NTM: variants seen among roughly 807,000 people sequenced by gnomAD.
NTM encodes neurotrimin.
NTM carries 13 observed loss-of-function variants against 42.1 expected under a neutral mutation model. The observed-to-expected ratio is 0.31, with a 90% confidence interval of 0.20 to 0.49. NTM has a LOEUF of 0.49. Among genes scored for constraint, NTM ranks in the 20% least tolerant of loss-of-function variants. The pLI, the probability that NTM is intolerant of heterozygous loss-of-function variation, is 0.99. For missense variants in NTM, 373 were observed against 452.8 expected (o/e 0.82, Z 1.60); for synonymous variants, 187 against 179.2 (o/e 1.04, Z -0.35).
intron 1 of NTM, among the ~76,000 whole-genome samples, chr11:131,438,653 C>T (rs1207728012): frequency 6.6e-6 from 1 of 152,122 alleles, no homozygotes; most frequent in Admixed American, 6.5e-5. Context: ...AGGTCTTCTT[C>T]ACACTGTTTA....
intron 1 of NTM, among the ~76,000 whole-genome samples, chr11:131,757,699 T>A (rs759000076): frequency 3.3e-5 from 5 of 152,184 alleles, no homozygotes; most frequent in Admixed American, 1.3e-4. Flanking sequence ...TGGTTATTAT[T>A]ATTATGTTTG....
At chr11:132,322,112 T>G (rs2136292962) in intron 7 of NTM, among the ~76,000 whole-genome samples, 1 of 149,274 alleles carries the variant, frequency 6.7e-6, no homozygotes, top group Non-Finnish European at 1.5e-5. Flanking sequence ...AGGAAGAAAC[T>G]GCATCAACTA....
At chr11:131,616,748 C>G (rs1352282290) in intron 1 of NTM, among the ~76,000 whole-genome samples, 1 of 149,084 alleles carries the variant, frequency 6.7e-6, no homozygotes, top group Admixed American at 6.7e-5. Context: ...CAGATTGAGA[C>G]AGGGTTTTAC....
chr11:132,105,343 A>C (rs911463169), intron 2 of NTM, among the ~76,000 whole-genome samples: 24 of 152,228 alleles, frequency 1.6e-4, no homozygotes, highest in African/African-American at 5.8e-4. Context: ...GAATAAATAA[A>C]TATGTCTGCT....
At chr11:132,286,004 C>T (rs952750395) in intron 4 of NTM, among the ~76,000 whole-genome samples, 2 of 152,210 alleles carry the variant, frequency 1.3e-5, no homozygotes, top group African/African-American at 4.8e-5. Context: ...AAACTAAGAG[C>T]TTCCATCTGC....
intron 3 of NTM, among the ~76,000 whole-genome samples, chr11:132,155,541 C>T (rs2137509022): frequency 6.6e-6 from 1 of 152,040 alleles, no homozygotes; most frequent in Middle Eastern, 3.4e-3. Flanking sequence ...CTCCGCGGAG[C>T]TCTATTGCTC....
chr11:131,774,069 A>G, intron 1 of NTM: 1 of 984,810 alleles, frequency 1.0e-6, no homozygotes, highest in Non-Finnish European at 1.2e-6. Context: ...CTGTTGTTCC[A>G]ATGTTGTTCC....
At chr11:131,389,024 A>AAAAAGAAAAGAAAAGAAAAG (rs58205309) in intron 1 of NTM, among the ~76,000 whole-genome samples, 20 of 89,912 alleles carry the variant, frequency 2.2e-4, no homozygotes, top group African/African-American at 8.8e-4. Context: ...AAAAAAAAAA[A>AAAAAGAAAAGAAAAGAAAAG]AAAAGAAAAG....
intron 1 of NTM, among the ~76,000 whole-genome samples, chr11:131,847,901 G>A (rs1209645744): frequency 6.6e-6 from 1 of 152,082 alleles, no homozygotes; most frequent in African/African-American, 2.4e-5. Context: ...TTTCCATCCA[G>A]TTGACGAGAT....
Position 132,308,521 on chromosome 11 carries a change from A to G in NTM, c.661+698A>G, listed in dbSNP as rs74521894. Among the ~76,000 whole-genome samples, 841 of 152,096 alleles carry G rather than the reference A, an allele frequency of 5.5e-3. 9 individuals are homozygous for G. The highest frequency in any genetic ancestry group is 0.019 in the African/African-American group (790 of 41,510). On this transcript the variant is annotated intron_variant, in intron 5 of 8. Transcript: ENST00000683400. ...TTTCCCTCTGGGTCCCTCATTATGT[A>G]CCTTGCCTTAGCTCCCTACAACATT...
At chr11:131,507,955 C>T (rs552697291) in intron 1 of NTM, among the ~76,000 whole-genome samples, 2 of 152,204 alleles carry the variant, frequency 1.3e-5, no homozygotes, top group South Asian at 2.1e-4. Flanking sequence ...TAGGCATTAC[C>T]ATTCAGGACA....
chr11:132,085,641 A>G (rs2059611327), intron 2 of NTM, among the ~76,000 whole-genome samples: 1 of 152,254 alleles, frequency 6.6e-6, no homozygotes, highest in Admixed American at 6.5e-5. Flanking sequence ...AAAGTATTTC[A>G]GTTAAGCACT....
chr11:131,563,952 A>G (rs2056556890), intron 1 of NTM, among the ~76,000 whole-genome samples: 1 of 152,102 alleles, frequency 6.6e-6, no homozygotes. Context: ...TGCGTTGCCA[A>G]AGAGAGACCT....
At chr11:132,056,275 T>C (rs1041306866) in intron 2 of NTM, among the ~76,000 whole-genome samples, 1 of 152,146 alleles carries the variant, frequency 6.6e-6, no homozygotes, top group East Asian at 1.9e-4. Context: ...AGAGAGAGAA[T>C]GGCTATGAGA....
intron 1 of NTM, among the ~76,000 whole-genome samples, chr11:131,739,495 G>T (rs141781659): frequency 1.3e-5 from 2 of 152,288 alleles, no homozygotes; most frequent in Middle Eastern, 3.4e-3. Context: ...TCTCTTAGCT[G>T]CTTTCTGACC....
chr11:131,651,706 T>C (rs894200951), intron 1 of NTM, among the ~76,000 whole-genome samples: 3 of 152,208 alleles, frequency 2.0e-5, no homozygotes, highest in South Asian at 2.1e-4. Flanking sequence ...CTGGGCATGG[T>C]GGCCCACTCC....
At chr11:132,313,993 TG>T (rs2095354707) in intron 6 of NTM, among the ~76,000 whole-genome samples, 1 of 152,146 alleles carries the variant, frequency 6.6e-6, no homozygotes, top group African/African-American at 2.4e-5. Context: ...AATGAGAAAA[TG>T]ATGATTTTTC....
chr11:131,495,611 A>T (rs1367337131), intron 1 of NTM, among the ~76,000 whole-genome samples: 2 of 152,144 alleles, frequency 1.3e-5, no homozygotes, highest in African/African-American at 2.4e-5. Flanking sequence ...AGGTGCTGAG[A>T]TCATGTGCTG....
intron 1 of NTM, among the ~76,000 whole-genome samples, chr11:131,602,241 C>T (rs1592188585): frequency 6.6e-6 from 1 of 152,236 alleles, no homozygotes; most frequent in East Asian, 1.9e-4. Context: ...CTTTGCTGTT[C>T]TGTTACCTTA....
Sources: allele counts gnomAD v4.1 joint callset (sites outside exome capture counted in the v4.1 genomes callset), GRCh38; gene constraint gnomAD v4.1.1; transcripts MANE v1.5; gene names NCBI Gene and HGNC (gene_info 2026-07-23, HGNC 2026-07-21).